MGAT3: variants seen among roughly 807,000 people sequenced by gnomAD.
MGAT3 encodes GlcNAc-T III.
A neutral mutation model predicts 29.8 loss-of-function variants in MGAT3; 9 were observed. The observed-to-expected ratio is 0.30, with a 90% CI of 0.18 to 0.53. The LOEUF (loss-of-function observed/expected upper bound fraction) is 0.53. MGAT3 is among the 20% of genes least tolerant of loss of function. The pLI, the probability that MGAT3 is intolerant of heterozygous loss-of-function variation, is 0.96. For missense variants in MGAT3, 557 were observed against 769.5 expected (o/e 0.72, Z 3.27); for synonymous variants, 397 against 348.9 (o/e 1.14, Z -1.54).
In MGAT3 at chr22:39,488,889, C is replaced by T. The variant is rs1929370523; in HGVS notation, c.1542C>T (p.Arg514=). The T allele has an allele frequency of 6.3e-7, 1 of 1,599,180 alleles. No individual in the cohort carries two copies. The highest frequency in any genetic ancestry group is 8.5e-7 in the Non-Finnish European group (1 of 1,173,652). ...EPRSTAAGGW[R]HRGPEGRPPA... ...GGAGCACGGCGGCGGGCGGGTGGCGCCACAGGGGTCCCGAGGGAAGGCCGC... is the reference window on the plus strand; with the variant it reads ...GGAGCACGGCGGCGGGCGGGTGGCGTCACAGGGGTCCCGAGGGAAGGCCGC... Residue 514 remains arginine (R), a synonymous_variant, in exon 2 of 2, where the codon CGC becomes CGT. Transcript: ENST00000341184.
intron 1 of MGAT3, among the ~76,000 whole-genome samples, chr22:39,477,035 T>A (rs1321069621): frequency 6.6e-6 from 1 of 152,168 alleles, no homozygotes; most frequent in Non-Finnish European, 1.5e-5. Flanking sequence ...AAGCTGCATT[T>A]AGTTTCAGAG....
In MGAT3 at chr22:39,457,317, G is replaced by C. The variant is rs1035229111; in HGVS notation, c.-242G>C. 2.2e-5 allele frequency: 3 copies of C among 135,548 alleles called. No homozygotes were observed. Among genetic ancestry groups the C allele is most frequent in the Non-Finnish European group, 4.9e-5 (3 of 61,742 alleles). The allele number at this position is 135,548 out of a possible 1,614,324, so 8.4% of individuals were successfully genotyped here. On this transcript the variant is annotated 5_prime_UTR_variant, in exon 1 of 2. Transcript: ENST00000341184. The surrounding 1 kb of genome is among the most constrained non-coding windows in gnomAD (Gnocchi z 6.8). ...GCCCCCGCCGCCGCCCCGGGGTGCA[G>C]CCGAGCGGCCGCGCCGGGTCCCCGG...
intron 1 of MGAT3, chr22:39,477,613 T>C (rs1255393840): frequency 1.3e-5 from 2 of 151,188 alleles, no homozygotes; most frequent in Non-Finnish European, 2.9e-5. Flanking sequence ...CCATGCAGAA[T>C]GCTTTGACAC....
chr22:39,458,836 C>A (rs1291005227), intron 1 of MGAT3, among the ~76,000 whole-genome samples: 1 of 152,064 alleles, frequency 6.6e-6, no homozygotes, highest in Non-Finnish European at 1.5e-5. Context: ...CTGTGGGTGC[C>A]CCCTGGAAGA....
At chr22:39,458,128 GC>G (rs1031667067) in intron 1 of MGAT3, among the ~76,000 whole-genome samples, 4 of 152,166 alleles carry the variant, frequency 2.6e-5, no homozygotes, top group African/African-American at 4.8e-5. Context: ...CGGGGTGGGG[GC>G]CCCCGGCTCC....
chr22:39,463,721 G>A (rs944626697), intron 1 of MGAT3, among the ~76,000 whole-genome samples: 5 of 151,846 alleles, frequency 3.3e-5, no homozygotes, highest in African/African-American at 1.2e-4. Context: ...AGACCAGCCT[G>A]GGCAACATAG....
At chr22:39,469,979 C>T (rs1928763404) in intron 1 of MGAT3, among the ~76,000 whole-genome samples, 1 of 152,250 alleles carries the variant, frequency 6.6e-6, no homozygotes, top group South Asian at 2.1e-4. Flanking sequence ...GGATATTTGT[C>T]CCTCCAAGTC....
In MGAT3 at chr22:39,468,185, C is replaced by T. The variant is rs1240111679; in HGVS notation, c.-2+10628C>T. The stretch of plus-strand genomic sequence containing the variant: ...GTGCTTGCTCTGTCAGGACCACCCC[C>T]AGCAGGAAGCTAACTGATGCTCAGG... On this transcript the variant is annotated intron_variant, in intron 1 of 1. Transcript: ENST00000341184. Among the ~76,000 whole-genome samples the T allele has an allele frequency of 2.0e-5, 3 of 152,204 alleles. No homozygotes were observed. The East Asian group carries it at 5.8e-4, about 29-fold the overall frequency.
chr22:39,462,277 G>C (rs1024884399), intron 1 of MGAT3, among the ~76,000 whole-genome samples: 2 of 152,222 alleles, frequency 1.3e-5, no homozygotes, highest in Non-Finnish European at 1.5e-5. Flanking sequence ...TGTTCTTGCT[G>C]TCAGCTCCCA....
At chr22:39,469,751 G>A (rs1474731282) in intron 1 of MGAT3, among the ~76,000 whole-genome samples, 1 of 152,242 alleles carries the variant, frequency 6.6e-6, no homozygotes. Flanking sequence ...AGCCCGCCAG[G>A]CTGGAGATAG....
At position 39,487,233 on chromosome 22, in the gene MGAT3, G is replaced by A; in HGVS notation, c.-1-114G>A. ...GAGGTCACTCCATGCAGGGGCAGCA[G>A]GTGCTGGCCACCACATTGTCCAGCA... is the stretch of plus-strand genomic sequence containing the variant. On this transcript the variant is annotated intron_variant, in intron 1 of 1. Transcript: ENST00000341184. This position sits in a 1 kb window ranked among gnomAD's most constrained non-coding sequence, Gnocchi z 5.7. 1 of 1,114,718 alleles carries A rather than the reference G, an allele frequency of 9.0e-7. No individual in the cohort carries two copies. 69.1% of individuals were successfully genotyped at this position (1,114,718 alleles called of 1,614,324 possible).
At chr22:39,486,135 A>G in intron 1 of MGAT3, 1 of 401,758 alleles carries the variant, frequency 2.5e-6, no homozygotes, top group East Asian at 8.1e-5. Flanking sequence ...AGCCAGAGAT[A>G]GACCTCAAAT....
In MGAT3 at chr22:39,489,238, G is replaced by A; in HGVS notation, c.*289G>A. On this transcript the variant is annotated 3_prime_UTR_variant, in exon 2 of 2. Coordinates refer to ENST00000341184, the MANE Select transcript of MGAT3 (RefSeq NM_002409.5). ...AGGTGCCACTGGAGTGTGCGTGGTG[G>A]TCCCTGGGTAGCGGGGGAGGGTAGG... is the stretch of plus-strand genomic sequence containing the variant. 2.1e-6 allele frequency: 1 copy of A among 486,440 alleles called. No homozygotes were observed. Among genetic ancestry groups the A allele is most frequent in the Non-Finnish European group, 3.8e-6 (1 of 265,674 alleles). 30.1% of individuals were successfully genotyped at this position (486,440 alleles called of 1,614,324 possible). A position where few individuals can be genotyped will look rare whatever the true frequency, so the allele number is the denominator to read the frequency against.
intron 1 of MGAT3, among the ~76,000 whole-genome samples, chr22:39,471,883 T>C (rs1928821216): frequency 6.6e-6 from 1 of 151,804 alleles, no homozygotes; most frequent in African/African-American, 2.4e-5. Flanking sequence ...TCTCCAGGCT[T>C]AGGGGATAGC....
At chr22:39,481,181 C>T (rs1929116826) in intron 1 of MGAT3, among the ~76,000 whole-genome samples, 1 of 152,206 alleles carries the variant, frequency 6.6e-6, no homozygotes, top group Non-Finnish European at 1.5e-5. Context: ...CACTGGCGCA[C>T]ATACACTCCT....
rs1601732495 is a variant in MGAT3, at chr22:39,489,247, T to G, written c.*298T>G. The G allele has an allele frequency of 4.6e-6, 2 of 433,796 alleles. No homozygotes were observed. Among genetic ancestry groups the G allele is most frequent in the Non-Finnish European group, 4.3e-6 (1 of 233,662 alleles). The allele number at this position is 433,796 out of a possible 1,614,324, so 26.9% of individuals were successfully genotyped here. The stretch of plus-strand genomic sequence containing the variant: ...TGGAGTGTGCGTGGTGGTCCCTGGG[T>G]AGCGGGGGAGGGTAGGCAGGATTGG... On this transcript the variant is annotated 3_prime_UTR_variant, in exon 2 of 2. Coordinates refer to ENST00000341184, the MANE Select transcript of MGAT3 (RefSeq NM_002409.5).
In MGAT3 at chr22:39,487,227, G is replaced by C; in HGVS notation, c.-1-120G>C. The C allele has an allele frequency of 9.5e-7, 1 of 1,055,694 alleles. No individual in the cohort carries two copies. Among genetic ancestry groups the C allele is most frequent in the Non-Finnish European group, 1.4e-6 (1 of 726,064 alleles). The allele number at this position is 1,055,694 out of a possible 1,614,324, so 65.4% of individuals were successfully genotyped here. A position where few individuals can be genotyped will look rare whatever the true frequency, so the allele number is the denominator to read the frequency against. On this transcript the variant is annotated intron_variant, in intron 1 of 1. Coordinates refer to ENST00000341184, the MANE Select transcript of MGAT3 (RefSeq NM_002409.5). The surrounding 1 kb of genome is among the most constrained non-coding windows in gnomAD (Gnocchi z 5.7). ...GGGCAGGAGGTCACTCCATGCAGGG[G>C]CAGCAGGTGCTGGCCACCACATTGT...
intron 1 of MGAT3, among the ~76,000 whole-genome samples, chr22:39,482,094 C>T (rs1601727861): frequency 6.6e-6 from 1 of 152,052 alleles, no homozygotes; most frequent in South Asian, 2.1e-4. Flanking sequence ...GCTAGAACTA[C>T]AGGCACATAG....
In MGAT3 at chr22:39,457,798, C is replaced by T. The variant is rs1424990342; in HGVS notation, c.-2+241C>T. On this transcript the variant is annotated intron_variant, in intron 1 of 1. Transcript: ENST00000341184. This position sits in a 1 kb window ranked among gnomAD's most constrained non-coding sequence, Gnocchi z 6.8. ...CTACCCGCCGCTCCTCCGAGCTCCC[C>T]GGTCCCCGGAGGGCAGAGCCTCAGC... 1.3e-5 allele frequency among the ~76,000 whole-genome samples: 2 copies of T among 151,166 alleles called. No homozygotes were observed. The highest frequency in any genetic ancestry group is 1.9e-4 in the East Asian group (1 of 5,174).
Sources: allele counts gnomAD v4.1 joint callset (sites outside exome capture counted in the v4.1 genomes callset), GRCh38; gene constraint gnomAD v4.1.1; non-coding constraint Gnocchi (gnomAD v3.1); transcripts MANE v1.5; gene names NCBI Gene and HGNC (gene_info 2026-07-23, HGNC 2026-07-21).